Variants in CDH23 observed in about 807,000 individuals in gnomAD.
CDH23 encodes cadherin related 23.
A neutral mutation model predicts 317.1 loss-of-function variants in CDH23; 189 were observed. The ratio of observed to expected loss-of-function variants is 0.60; its 90% CI spans 0.53 to 0.67. The LOEUF is 0.67. CDH23 is among the 30% of genes least tolerant of loss of function. The probability of loss-of-function intolerance (pLI) is 0.00; values close to 1 mark genes in which losing one functional copy is unlikely to be tolerated. For missense variants in CDH23, 4,401 were observed against 4,592.4 expected, an observed-to-expected ratio of 0.96 and a Z score of 1.20; for synonymous variants, 1,839 against 1,876.8, an observed-to-expected ratio of 0.98 and a Z score of 0.52.
chr10:71,677,757 C>T (rs2132670412), intron 16 of CDH23, 64 bp downstream of exon 16: 1 of 1,358,868 alleles, frequency 7.4e-7, no homozygotes, highest in Non-Finnish European at 1.0e-6. Flanking sequence ...TACTTGCTTG[C>T]TTGCTTCTTT....
intron 1 of CDH23, among the ~76,000 whole-genome samples, chr10:71,439,298 TAA>T (rs57011906): frequency 6.6e-6 from 1 of 151,108 alleles, no homozygotes; most frequent in Admixed American, 6.6e-5. Flanking sequence ...ATATAAAAAA[TAA>T]AAAAAAACAG....
In CDH23 at chr10:71,690,560, C is replaced by T; in HGVS notation, c.2152C>T (p.Gln718Ter). The change falls in exon 20 of 70, where the codon CAG (glutamine) becomes TAG (stop). Residue 718 changes from glutamine (Q) to a stop codon, truncating the protein, a stop_gained. Coordinates refer to ENST00000224721, the MANE Select transcript of CDH23 (RefSeq NM_022124.6). LOFTEE classifies it high-confidence loss of function. ...SIIYSLEGST[Q>*]FRINARSGEI... ...CATCTACTCCTTGGAAGGCTCCACC[C>T]AGTTTCGGATCAATGCCCGCTCAGG... 1 of 1,606,258 alleles carries T rather than the reference C, an allele frequency of 6.2e-7. No individual in the cohort carries two copies. Among genetic ancestry groups the T allele is most frequent in the Non-Finnish European group, 8.5e-7 (1 of 1,176,476 alleles).
chr10:71,641,942 A>AT (rs1389538661), intron 11 of CDH23, among the ~76,000 whole-genome samples: 2 of 152,240 alleles, frequency 1.3e-5, no homozygotes, highest in Admixed American at 6.5e-5. Context: ...AACAAAATAC[A>AT]AAAATTAGCC....
Position 71,532,879 on chromosome 10 carries a change from A to T in CDH23, c.429+21667A>T, listed in dbSNP as rs544477423. Among the ~76,000 whole-genome samples, 181 of 151,512 alleles carry T rather than the reference A, an allele frequency of 1.2e-3. 1 individual carries two copies. The highest frequency in any genetic ancestry group is 4.0e-3 in the African/African-American group (166 of 41,332). On this transcript the variant is annotated intron_variant, in intron 6 of 69. Coordinates refer to ENST00000224721, the MANE Select transcript of CDH23 (RefSeq NM_022124.6). The stretch of plus-strand genomic sequence containing the variant: ...CAAGTAAGTGGGATTACAGGCATCC[A>T]CCACCATGCCTGGCTAATTTTTTGT...
chr10:71,775,037 G>A (rs990046144), intron 38 of CDH23, among the ~76,000 whole-genome samples: 8 of 152,232 alleles, frequency 5.3e-5, no homozygotes, highest in African/African-American at 1.4e-4. Flanking sequence ...AACTCCCCAG[G>A]ATGGGAGCCC....
chr10:71,403,906 A>G (rs1341322311), intron 1 of CDH23, among the ~76,000 whole-genome samples: 1 of 149,096 alleles, frequency 6.7e-6, no homozygotes, highest in Non-Finnish European at 1.5e-5. Context: ...CCTGACCAAC[A>G]TGGTGAAACC....
At chr10:71,429,138 A>G (rs757223075) in intron 1 of CDH23, among the ~76,000 whole-genome samples, 31 of 152,170 alleles carry the variant, frequency 2.0e-4, no homozygotes, top group Non-Finnish European at 3.2e-4. Flanking sequence ...TGTCATATCC[A>G]TAGTGTTATC....
intron 17 of CDH23, among the ~76,000 whole-genome samples, chr10:71,681,699 G>GA (rs1564729233): frequency 6.6e-6 from 1 of 152,248 alleles, no homozygotes; most frequent in Admixed American, 6.5e-5. Context: ...CACTTGGGGA[G>GA]GCCGAGGCGG....
intron 45 of CDH23, among the ~76,000 whole-genome samples, chr10:71,789,612 C>T (rs1034392890): frequency 6.6e-6 from 1 of 152,200 alleles, no homozygotes; most frequent in African/African-American, 2.4e-5. Context: ...GCTGGGCATC[C>T]CCCCTAGGTG....
chr10:71,662,811 C>T (rs923626481), intron 14 of CDH23, among the ~76,000 whole-genome samples: 5 of 152,168 alleles, frequency 3.3e-5, no homozygotes, highest in Admixed American at 3.3e-4. Context: ...ACCAGCTGGG[C>T]GGCTTAAAAC....
chr10:71,475,132 G>A (rs1851721519), intron 3 of CDH23, among the ~76,000 whole-genome samples: 1 of 152,216 alleles, frequency 6.6e-6, no homozygotes, highest in Non-Finnish European at 1.5e-5. Context: ...GCTGGTCAGA[G>A]CTGTGTAACC....
Position 71,471,717 on chromosome 10 carries a change from C to T in CDH23, c.145+25322C>T, listed in dbSNP as rs78455448. Reference sequence around the variant, plus strand: ...CGCCGTGTTGTTTCTGACCCCAGGGCCTTGTTCCTGCCATTCCTGCGGCCT... The same window carrying T: ...CGCCGTGTTGTTTCTGACCCCAGGGTCTTGTTCCTGCCATTCCTGCGGCCT... On this transcript the variant is annotated intron_variant, in intron 3 of 69. Coordinates refer to ENST00000224721, the MANE Select transcript of CDH23 (RefSeq NM_022124.6). 5.1e-3 allele frequency among the ~76,000 whole-genome samples: 770 copies of T among 152,282 alleles called. 8 individuals carry two copies. Among genetic ancestry groups the T allele is most frequent in the African/African-American group, 0.018 (729 of 41,560 alleles).
At chr10:71,403,751 G>T (rs1368645003) in intron 1 of CDH23, among the ~76,000 whole-genome samples, 1 of 151,694 alleles carries the variant, frequency 6.6e-6, no homozygotes. Flanking sequence ...TCTTGACCTC[G>T]TAATCTGCCC....
chr10:71,426,780 A>G (rs758543432), intron 1 of CDH23, among the ~76,000 whole-genome samples: 4 of 152,206 alleles, frequency 2.6e-5, no homozygotes, highest in Non-Finnish European at 4.4e-5. Context: ...GTACAATTCA[A>G]TGGTTATTAG....
At chr10:71,784,493 T>C in intron 42 of CDH23, 73 bp downstream of exon 42, 1 of 1,552,978 alleles carries the variant, frequency 6.4e-7, no homozygotes, top group South Asian at 1.2e-5. Context: ...CTTGTAAACA[T>C]TGTTACCCTT....
chr10:71,443,027 A>G (rs1258144435), intron 2 of CDH23, among the ~76,000 whole-genome samples: 3 of 151,806 alleles, frequency 2.0e-5, no homozygotes, highest in Non-Finnish European at 2.9e-5. Context: ...AAAGTCCCTG[A>G]CTCCTTGAAT....
chr10:71,781,421 T>C (rs1181469383), intron 41 of CDH23, among the ~76,000 whole-genome samples: 2 of 152,018 alleles, frequency 1.3e-5, no homozygotes, highest in Non-Finnish European at 2.9e-5. Flanking sequence ...AACACAGAGA[T>C]TTTGTAATTT....
At chr10:71,779,234 T>A in intron 40 of CDH23, 33 bp from the exon 41 acceptor site, 1 of 1,610,152 alleles carries the variant, frequency 6.2e-7, no homozygotes, top group Middle Eastern at 1.7e-4. Context: ...CTGGCTGGGG[T>A]GAGGCCTTGG....
At position 71,576,518 on chromosome 10, in the gene CDH23, C is replaced by T. The variant is rs527249188; in HGVS notation, c.754-1396C>T. ...AGGTGAAGGGGGTGGGGGTGCAGCT[C>T]GGGCTTCAGCCTCCTGCTGATAAAC... On this transcript the variant is annotated intron_variant, in intron 8 of 69. Coordinates refer to ENST00000224721, the MANE Select transcript of CDH23 (RefSeq NM_022124.6). Among the ~76,000 whole-genome samples the T allele has an allele frequency of 4.6e-5, 7 of 152,204 alleles. No individual in the cohort carries two copies. The East Asian group carries it at 5.8e-4, about 13-fold the overall frequency.
Sources: gnomAD v4.1 joint callset for allele counts (sites outside exome capture counted in the v4.1 genomes callset) on GRCh38, gnomAD v4.1.1 for gene constraint, MANE v1.5 for transcripts, NCBI Gene and HGNC (gene_info 2026-07-23, HGNC 2026-07-21) for gene names.